PDE11A: variants seen among roughly 807,000 people sequenced by gnomAD.
PDE11A encodes phosphodiesterase 11A, also known as dual 3',5'-cyclic-AMP and -GMP phosphodiesterase 11A.
In PDE11A, 100 loss-of-function variants were observed where a neutral mutation model predicts 100.5. That is an observed-to-expected ratio of 1.00 (90% CI 0.85 to 1.18). The LOEUF (loss-of-function observed/expected upper bound fraction) is 1.18. PDE11A is among the 50% of genes most tolerant of loss of function. The probability of loss-of-function intolerance (pLI) is 0.00; values close to 1 mark genes in which losing one functional copy is unlikely to be tolerated. For missense variants in PDE11A, 1,141 were observed against 1,152.6 expected (o/e 0.99, Z 0.15); for synonymous variants, 381 against 420.8 (o/e 0.91, Z 1.16).
chr2:177,899,864 C>T (rs2084670572), intron 3 of PDE11A, among the ~76,000 whole-genome samples: 1 of 151,086 alleles, frequency 6.6e-6, no homozygotes, highest in African/African-American at 2.4e-5. Context: ...TCCAGAAGAA[C>T]ATTTAGATAT....
rs543192572 is a variant in PDE11A at position 177,836,079 on chromosome 2, G to A, written c.1500+4172C>T. 1.0e-3 allele frequency among the ~76,000 whole-genome samples: 158 copies of A among 152,380 alleles called. 2 individuals carry two copies. Among genetic ancestry groups the A allele is most frequent in the Middle Eastern group, 0.01 (3 of 294 alleles). ...TGGGCACACAGTGCAGGACTGATGGGCAGCTCTACCTGTGGCCCCAGTGCG... is the reference window on the plus strand; with the variant it reads ...TGGGCACACAGTGCAGGACTGATGGACAGCTCTACCTGTGGCCCCAGTGCG... On this transcript the variant is annotated intron_variant, in intron 6 of 19. Coordinates refer to ENST00000286063, the MANE Select transcript of PDE11A (RefSeq NM_016953.4).
Position 177,728,125 on chromosome 2 carries a change from A to T in PDE11A, c.1836T>A (p.His612Gln). 2 of 1,613,016 alleles carry T rather than the reference A, an allele frequency of 1.2e-6. No homozygotes were observed. Among genetic ancestry groups the T allele is most frequent in the Non-Finnish European group, 1.7e-6 (2 of 1,179,132 alleles). The change falls in exon 11 of 20, where the codon CAT (histidine) becomes CAA (glutamine). Residue 612 changes from histidine to glutamine, a missense_variant. Physicochemically the swap from His to Gln is conservative, Grantham distance 24 (BLOSUM62 0). Coordinates refer to ENST00000286063, the MANE Select transcript of PDE11A (RefSeq NM_016953.4). ...LVSELAIDDIHFDDFSLDVDA... is the reference protein window; with the variant it reads ...LVSELAIDDIQFDDFSLDVDA... The stretch of plus-strand genomic sequence containing the variant: ...CAACGTCGAGAGAAAAGTCATCAAA[A>T]TGAATGTCATCGATGGCAAGTTCTG...
chr2:177,905,212 C>T, intron 2 of PDE11A, 25 bp from the exon 3 acceptor site: 1 of 1,291,426 alleles, frequency 7.7e-7, no homozygotes, highest in Non-Finnish European at 1.1e-6. Flanking sequence ...GTAGTAAGAA[C>T]ATTAAAACAT....
At chr2:177,739,589 T>G (rs1179407651) in intron 10 of PDE11A, among the ~76,000 whole-genome samples, 1 of 152,182 alleles carries the variant, frequency 6.6e-6, no homozygotes, top group African/African-American at 2.4e-5. Context: ...ATGCATTCAA[T>G]ATAAACAATT....
intron 10 of PDE11A, among the ~76,000 whole-genome samples, chr2:177,740,022 CA>C (rs1308985970): frequency 2.0e-5 from 3 of 152,224 alleles, no homozygotes; most frequent in Non-Finnish European, 4.4e-5. Flanking sequence ...CAAGTACATA[CA>C]TGCACACATC....
intron 12 of PDE11A, among the ~76,000 whole-genome samples, chr2:177,725,841 T>C (rs1344924): frequency 0.95 from 144,711 of 152,200 alleles, 69,208 homozygotes; most frequent in East Asian, 1. Flanking sequence ...TAAGGTTTGT[T>C]ATAAAAATCT....
At chr2:177,828,134 A>C (rs1431874161) in intron 6 of PDE11A, among the ~76,000 whole-genome samples, 2 of 152,234 alleles carry the variant, frequency 1.3e-5, no homozygotes, top group African/African-American at 4.8e-5. Context: ...GATTATAAAA[A>C]TAATATGAAC....
intron 2 of PDE11A, among the ~76,000 whole-genome samples, chr2:177,936,301 T>C (rs541188966): frequency 2.0e-5 from 3 of 152,352 alleles, no homozygotes; most frequent in African/African-American, 7.2e-5. Context: ...TGTATTTTGG[T>C]ATTTGTGTGA....
intron 4 of PDE11A, among the ~76,000 whole-genome samples, chr2:177,893,427 T>G (rs2084561913): frequency 1.3e-5 from 2 of 152,160 alleles, no homozygotes; most frequent in Non-Finnish European, 2.9e-5. Flanking sequence ...TGCATGCTAC[T>G]GTGCAAAGCC....
intron 9 of PDE11A, among the ~76,000 whole-genome samples, chr2:177,774,281 C>A (rs971825583): frequency 6.6e-6 from 1 of 152,134 alleles, no homozygotes; most frequent in African/African-American, 2.4e-5. Flanking sequence ...AGGACTTTTC[C>A]CCATCACCTA....
chr2:178,071,576 C>T lies in PDE11A; in HGVS notation c.862G>A (p.Gly288Ser). The T allele has an allele frequency of 6.2e-7, 1 of 1,613,442 alleles. No individual in the cohort carries two copies. Among genetic ancestry groups the T allele is most frequent in the Admixed American group, 1.7e-5 (1 of 60,032 alleles). Reference protein sequence around the residue: ...VQVPWGKGIIGYVGEHGETVN... With the variant: ...VQVPWGKGIISYVGEHGETVN... ...GTTTCTCCATGCTCCCCGACATAGC[C>T]AATGATACCTTTGCCCCAGGGGACC... is the stretch of plus-strand genomic sequence containing the variant. The change falls in exon 1 of 20, where the codon GGC (glycine) becomes AGC (serine). Residue 288 changes from glycine (G) to serine (S), a missense_variant. Physicochemically the swap from Gly to Ser is moderately conservative, Grantham distance 56. Coordinates refer to ENST00000286063, the MANE Select transcript of PDE11A (RefSeq NM_016953.4).
At position 177,631,595 on chromosome 2, in the gene PDE11A, A is replaced by G. The variant is rs1358345079; in HGVS notation, c.2647-2033T>C. On this transcript the variant is annotated intron_variant, in intron 19 of 19. Coordinates refer to ENST00000286063, the MANE Select transcript of PDE11A (RefSeq NM_016953.4). ...CATGTATATATATATACACACACAT[A>G]TATATGTGTGTATATATATACATAT... is the stretch of plus-strand genomic sequence containing the variant. Among the ~76,000 whole-genome samples, 32 of 42,512 alleles carry G rather than the reference A, an allele frequency of 7.5e-4. No individual in the cohort carries two copies. In the East Asian group the frequency reaches 0.017, roughly 23 times the overall value. The allele number at this position is 42,512 out of a possible 152,430, so 27.9% of individuals were successfully genotyped here.
chr2:178,044,635 C>A (rs992666693), intron 1 of PDE11A, among the ~76,000 whole-genome samples: 6 of 152,018 alleles, frequency 3.9e-5, no homozygotes, highest in African/African-American at 1.2e-4. Context: ...AGCCCCCAAA[C>A]TGAGCCATTT....
At chr2:178,027,442 CAT>C (rs2086491461) in intron 1 of PDE11A, among the ~76,000 whole-genome samples, 1 of 152,108 alleles carries the variant, frequency 6.6e-6, no homozygotes, top group African/African-American at 2.4e-5. Flanking sequence ...CCTCCAAAAA[CAT>C]AGAAGTCATT....
chr2:177,718,011 C>A (rs968331585), intron 12 of PDE11A, among the ~76,000 whole-genome samples: 1 of 152,164 alleles, frequency 6.6e-6, no homozygotes, highest in African/African-American at 2.4e-5. Flanking sequence ...ATAATATCAA[C>A]ACTAGATGGT....
rs1229827591 is a variant in PDE11A at position 177,623,949 on chromosome 2, T to A, written c.*5458A>T. ...CAGCATGACATTGGGCATTGCTAAA[T>A]CTAAATGCTCATCATGAAATTCTCC... is the stretch of plus-strand genomic sequence containing the variant. On this transcript the variant is annotated 3_prime_UTR_variant, in exon 20 of 20. Coordinates refer to ENST00000286063, the MANE Select transcript of PDE11A (RefSeq NM_016953.4). The A allele has an allele frequency of 1.3e-5, 2 of 152,250 alleles. No homozygotes were observed. Among genetic ancestry groups the A allele is most frequent in the African/African-American group, 4.8e-5 (2 of 41,478 alleles). The allele number at this position is 152,250 out of a possible 1,614,324, so 9.4% of individuals were successfully genotyped here.
intron 9 of PDE11A, among the ~76,000 whole-genome samples, chr2:177,811,508 A>C (rs1453412211): frequency 2.4e-5 from 2 of 83,756 alleles, no homozygotes; most frequent in African/African-American, 7.5e-5. Context: ...CAAAATCCAG[A>C]TAATGTATTA....
chr2:177,856,006 T>G (rs2083826774), intron 5 of PDE11A, among the ~76,000 whole-genome samples: 1 of 151,882 alleles, frequency 6.6e-6, no homozygotes, highest in African/African-American at 2.4e-5. Context: ...TAGCAGATTT[T>G]GAAGCTCTGT....
intron 2 of PDE11A, among the ~76,000 whole-genome samples, chr2:177,999,994 A>G (rs17330381): frequency 0.056 from 8,457 of 152,208 alleles, 296 homozygotes; most frequent in South Asian, 0.092. Context: ...TAATATAGTC[A>G]TGCCTACCTT....
Sources: allele counts gnomAD v4.1 joint callset (sites outside exome capture counted in the v4.1 genomes callset), GRCh38; gene constraint gnomAD v4.1.1; transcripts MANE v1.5; gene names NCBI Gene and HGNC (gene_info 2026-07-23, HGNC 2026-07-21).